GMDS: variants seen among roughly 807,000 people sequenced by gnomAD.
The protein encoded by GMDS is GDP-mannose 4,6 dehydratase.
A neutral mutation model predicts 49.9 loss-of-function variants in GMDS; 20 were observed. The observed-to-expected ratio is 0.40, with a 90% CI of 0.28 to 0.58. GMDS has a LOEUF of 0.58. GMDS is among the 20% of genes least tolerant of loss of function. GMDS has a pLI of 0.42. For synonymous variants in GMDS, 177 were observed against 178.6 expected, an observed-to-expected ratio of 0.99 and a Z score of 0.07; for missense variants, 362 against 481.4, an observed-to-expected ratio of 0.75 and a Z score of 2.32.
chr6:1,652,634 AATAT>A (rs1491468059), intron 9 of GMDS, among the ~76,000 whole-genome samples: 1 of 8,716 alleles, frequency 1.1e-4, no homozygotes, highest in South Asian at 2.7e-3. Flanking sequence ...ATTTATATAT[AATAT>A]ATATAATATA....
chr6:2,117,456 G>T lies in GMDS; in HGVS notation c.235+13C>A, dbSNP rs1376322404. On this transcript the variant is annotated intron_variant, in intron 3 of 10. Transcript: ENST00000380815. The stretch of plus-strand genomic sequence containing the variant: ...CTTATAGAAAGAGATTCTAGAAAAA[G>T]AAAATGACTTACTTCCTTCAATGTG... 9 of 1,447,198 alleles carry T rather than the reference G, an allele frequency of 6.2e-6. No homozygotes were observed. In the East Asian group the frequency reaches 1.4e-4, roughly 22 times the overall value. 89.6% of individuals were successfully genotyped at this position (1,447,198 alleles called of 1,614,324 possible).
At chr6:1,771,287 C>T (rs375359370) in intron 7 of GMDS, among the ~76,000 whole-genome samples, 2 of 152,188 alleles carry the variant, frequency 1.3e-5, no homozygotes, top group African/African-American at 4.8e-5. Flanking sequence ...TCTTCCTCCT[C>T]ACTCTCTTCA....
At position 2,245,392 on chromosome 6, in the gene GMDS, C is replaced by T; in HGVS notation, c.31G>A (p.Ala11Thr). The change falls in exon 1 of 11, where the codon GCC becomes ACC. Residue 11 changes from alanine (A) to threonine (T), a missense_variant. Transcript: ENST00000380815. MAHAPARCPS[A>T]RGSGDGEMGK... ...ATCTCGCCGTCCCCGGAGCCCCGGG[C>T]GCTGGGGCAGCGTGCCGGTGCGTGT... The T allele has an allele frequency of 1.9e-6, 3 of 1,540,804 alleles. No individual in the cohort carries two copies. Among genetic ancestry groups the T allele is most frequent in the Non-Finnish European group, 2.6e-6 (3 of 1,148,954 alleles).
intron 4 of GMDS, among the ~76,000 whole-genome samples, chr6:2,078,196 A>G (rs1228521821): frequency 1.3e-5 from 2 of 151,940 alleles, no homozygotes; most frequent in Non-Finnish European, 2.9e-5. Context: ...TGATTTATCA[A>G]TTTTGTGTCT....
intron 4 of GMDS, among the ~76,000 whole-genome samples, chr6:2,111,602 T>C (rs1774547513): frequency 6.6e-6 from 1 of 152,168 alleles, no homozygotes; most frequent in Non-Finnish European, 1.5e-5. Flanking sequence ...GTGAGAGCGG[T>C]AGGAGACTTT....
intron 7 of GMDS, among the ~76,000 whole-genome samples, chr6:1,762,780 G>T (rs1044225387): frequency 8.5e-5 from 13 of 152,200 alleles, no homozygotes; most frequent in African/African-American, 3.1e-4. Flanking sequence ...GACATTTTCA[G>T]TGTATTGTGG....
intron 1 of GMDS, among the ~76,000 whole-genome samples, chr6:2,182,543 A>G (rs1778600218): frequency 6.6e-6 from 1 of 152,232 alleles, no homozygotes; most frequent in South Asian, 2.1e-4. Flanking sequence ...TATGTGAGCC[A>G]GTGTTTATTT....
At chr6:1,707,857 T>C (rs1299871691) in intron 9 of GMDS, among the ~76,000 whole-genome samples, 1 of 152,204 alleles carries the variant, frequency 6.6e-6, no homozygotes, top group African/African-American at 2.4e-5. Context: ...AGGCATGTTA[T>C]TGGGAAAATA....
chr6:1,939,965 T>G (rs1355403466), intron 6 of GMDS, among the ~76,000 whole-genome samples: 1 of 151,954 alleles, frequency 6.6e-6, no homozygotes, highest in Non-Finnish European at 1.5e-5. Flanking sequence ...ACAGTTCTAC[T>G]TACCACACTA....
At chr6:1,882,922 T>C (rs1452329998) in intron 7 of GMDS, among the ~76,000 whole-genome samples, 1 of 152,160 alleles carries the variant, frequency 6.6e-6, no homozygotes, top group Non-Finnish European at 1.5e-5. Context: ...CGAGTGATTG[T>C]TGTGAGGATT....
chr6:1,978,172 C>T (rs1033815240), intron 4 of GMDS, among the ~76,000 whole-genome samples: 3 of 151,994 alleles, frequency 2.0e-5, no homozygotes, highest in Admixed American at 6.5e-5. Flanking sequence ...CCAAAGGGTC[C>T]CAACGAGGAA....
intron 1 of GMDS, among the ~76,000 whole-genome samples, chr6:2,171,152 G>C (rs1196796496): frequency 6.6e-6 from 1 of 152,202 alleles, no homozygotes; most frequent in African/African-American, 2.4e-5. Context: ...AGGAGTCTGT[G>C]CTTCTTAATC....
intron 1 of GMDS, among the ~76,000 whole-genome samples, chr6:2,153,114 T>A (rs1428350371): frequency 6.6e-6 from 1 of 152,122 alleles, no homozygotes; most frequent in Non-Finnish European, 1.5e-5. Context: ...CAATGGACTA[T>A]TCAATAAATT....
At chr6:1,907,550 G>A (rs1760837544) in intron 7 of GMDS, among the ~76,000 whole-genome samples, 2 of 152,142 alleles carry the variant, frequency 1.3e-5, no homozygotes, top group Admixed American at 1.3e-4. Context: ...ACCTTTGAAG[G>A]TATCATCTCA....
rs60802170 is a variant in GMDS, at chr6:2,213,759, G to T, written c.102+31562C>A. ...GTGGGGTCTATGAGAATAGGAGGAC[G>T]AAGGCTAGAATTCAAGCTTAAGGGG... On this transcript the variant is annotated intron_variant, in intron 1 of 10. Transcript: ENST00000380815. 8.8e-3 allele frequency among the ~76,000 whole-genome samples: 1,333 copies of T among 152,188 alleles called. 16 individuals carry two copies. Among genetic ancestry groups the T allele is most frequent in the African/African-American group, 0.031 (1,282 of 41,542 alleles).
chr6:1,852,856 G>A (rs1367548794), intron 7 of GMDS, among the ~76,000 whole-genome samples: 2 of 151,732 alleles, frequency 1.3e-5, no homozygotes, highest in African/African-American at 2.4e-5. Context: ...TCAGGCATGC[G>A]CCACCACGCC....
intron 9 of GMDS, among the ~76,000 whole-genome samples, chr6:1,716,992 A>G (rs1214503000): frequency 3.3e-5 from 5 of 152,246 alleles, no homozygotes; most frequent in African/African-American, 9.6e-5. Flanking sequence ...ATTTTGGTTT[A>G]GTCCGCAAAG....
intron 1 of GMDS, among the ~76,000 whole-genome samples, chr6:2,143,104 T>C (rs997345018): frequency 6.6e-6 from 1 of 152,262 alleles, no homozygotes; most frequent in Non-Finnish European, 1.5e-5. Flanking sequence ...CAACATGATG[T>C]TGCTGGTTGG....
chr6:2,192,751 C>T (rs1202469296), intron 1 of GMDS, among the ~76,000 whole-genome samples: 1 of 152,182 alleles, frequency 6.6e-6, no homozygotes, highest in East Asian at 1.9e-4. Flanking sequence ...GTAGCCCAAC[C>T]CCGCACTCAC....
Sources: allele counts gnomAD v4.1 joint callset (sites outside exome capture counted in the v4.1 genomes callset), GRCh38; gene constraint gnomAD v4.1.1; transcripts MANE v1.5; gene names NCBI Gene and HGNC (gene_info 2026-07-23, HGNC 2026-07-21).